Variants in MLLT6 observed in about 807,000 individuals in gnomAD.
MLLT6 encodes the protein MLLT6, PHD finger containing, also known as protein AF-17.
MLLT6 carries 22 observed loss-of-function variants against 103.0 expected under a neutral mutation model. That is an observed-to-expected ratio of 0.21 (90% CI 0.15 to 0.31). The LOEUF (loss-of-function observed/expected upper bound fraction) is 0.31. Among genes scored for constraint, MLLT6 ranks in the 10% least tolerant of loss-of-function variants. The pLI is 1.00. For missense variants in MLLT6, 1,199 were observed against 1,441.7 expected (o/e 0.83, Z 2.73); for synonymous variants, 606 against 623.5 (o/e 0.97, Z 0.42).
chr17:38,720,289 C>A (rs1234466377), intron 14 of MLLT6, 83 bp from the exon 15 acceptor site: 16 of 1,311,992 alleles, frequency 1.2e-5, no homozygotes, highest in Middle Eastern at 2.6e-4. Context: ...TGAGCACTGG[C>A]TCCCCTCCAG....
At chr17:38,723,742 C>CTT (rs575998138) in intron 18 of MLLT6, among the ~76,000 whole-genome samples, 9 of 137,598 alleles carry the variant, frequency 6.5e-5, no homozygotes, top group African/African-American at 8.0e-5. Context: ...GAATTGAAAA[C>CTT]TTTTTTTTTT....
chr17:38,724,711 C>T lies in MLLT6; in HGVS notation c.2975C>T (p.Pro992Leu). Residue 992 changes from proline to leucine, a missense_variant, in exon 19 of 20, where the codon CCC becomes CTC. Around this residue, in one of 7 missense-constraint regions of MLLT6, gnomAD observed 1,034 missense variants for 1,091.5 expected, o/e 0.95. Coordinates refer to ENST00000621332, the MANE Select transcript of MLLT6 (RefSeq NM_005937.4). The surrounding 1 kb of genome is among the most constrained non-coding windows in gnomAD (Gnocchi z 5.4). ...CAGATGGCTGGGGGCTCCCAGCTGC[C>T]CATGGCCAGCCTGCTGGCAGGAAGC... is the stretch of plus-strand genomic sequence containing the variant. ...RLQMAGGSQL[P>L]MASLLAGSST... is the part of the protein sequence containing the mutation. 1.2e-6 allele frequency: 2 copies of T among 1,612,946 alleles called. No individual in the cohort carries two copies. The highest frequency in any genetic ancestry group is 2.2e-5 in the East Asian group (1 of 44,866).
rs1904874743 is a variant in MLLT6 at position 38,705,668 on chromosome 17, G to C, written c.36G>C (p.Ser12=). 1 of 1,572,082 alleles carries C rather than the reference G, an allele frequency of 6.4e-7. No homozygotes were observed. The highest frequency in any genetic ancestry group is 8.6e-7 in the Non-Finnish European group (1 of 1,158,070). The change falls in exon 1 of 20, where the codon TCG becomes TCC. Residue 12 remains serine, a synonymous_variant. Coordinates refer to ENST00000621332, the MANE Select transcript of MLLT6 (RefSeq NM_005937.4). ...TGGTAGGAGGCTGCTGCGTATGTTC[G>C]GACGAGAGGGGCTGGGCCGAGAACC... is the stretch of plus-strand genomic sequence containing the variant. ...KEMVGGCCVC[S]DERGWAENPL...
In MLLT6 at chr17:38,713,206, A is replaced by T. The variant is rs1283520903; in HGVS notation, c.819+417A>T. The T allele has an allele frequency of 8.7e-6, 5 of 572,918 alleles. No individual in the cohort carries two copies. The East Asian group carries it at 1.4e-4, about 16-fold the overall frequency. 35.5% of individuals were successfully genotyped at this position (572,918 alleles called of 1,614,324 possible). A position where few individuals can be genotyped will look rare whatever the true frequency, so the allele number is the denominator to read the frequency against. On this transcript the variant is annotated intron_variant, in intron 8 of 19. Coordinates refer to ENST00000621332, the MANE Select transcript of MLLT6 (RefSeq NM_005937.4). ...ACCCAACCCAAATCCCACTCTGTGC[A>T]GGTTGGAGGGGCTGAAAGTTCTGAC... is the stretch of plus-strand genomic sequence containing the variant.
intron 2 of MLLT6, 71 bp from the exon 3 acceptor site, chr17:38,707,415 C>G: frequency 6.8e-7 from 1 of 1,462,588 alleles, no homozygotes; most frequent in Non-Finnish European, 9.5e-7. Flanking sequence ...CAGCCTGGGA[C>G]CCCTTGAACG....
rs975746702 is a variant in MLLT6, at chr17:38,720,151, C to T, written c.2156-221C>T. The T allele has an allele frequency of 7.2e-5, 50 of 692,330 alleles. 1 individual carries two copies. Among genetic ancestry groups the T allele is most frequent in the South Asian group, 3.7e-4 (19 of 52,046 alleles). The allele number at this position is 692,330 out of a possible 1,614,324, so 42.9% of individuals were successfully genotyped here. A position where few individuals can be genotyped will look rare whatever the true frequency, so the allele number is the denominator to read the frequency against. On this transcript the variant is annotated intron_variant, in intron 14 of 19. Transcript: ENST00000621332. The stretch of plus-strand genomic sequence containing the variant: ...CGCAACTTCCGCCCTTCTCTCCTGA[C>T]CCGTGTGGCCTCGACCCCAGCCTCA...
In MLLT6 at chr17:38,724,669, G is replaced by C. The variant is rs1405440183; in HGVS notation, c.2933G>C (p.Arg978Pro). Residue 978 changes from arginine to proline, a missense_variant, in exon 19 of 20, where the codon CGG (arginine) becomes CCG (proline). Physicochemically the swap from Arg to Pro is moderately radical, Grantham distance 103. This residue lies in a region of MLLT6 where 1,034 missense variants were observed against 1,091.5 expected (regional missense o/e 0.95). Transcript: ENST00000621332. The surrounding 1 kb of genome is among the most constrained non-coding windows in gnomAD (Gnocchi z 5.4). Reference sequence around the variant, plus strand: ...ATGATCCAGCAGATCCAGCAGAAACGGGAGCTGCAGCGCCTGCAGATGGCT... The same window carrying C: ...ATGATCCAGCAGATCCAGCAGAAACCGGAGCTGCAGCGCCTGCAGATGGCT... ...YQMIQQIQQK[R>P]ELQRLQMAGG... 1 of 1,611,334 alleles carries C rather than the reference G, an allele frequency of 6.2e-7. No homozygotes were observed. The highest frequency in any genetic ancestry group is 8.5e-7 in the Non-Finnish European group (1 of 1,178,680).
chr17:38,705,456 G>A lies in MLLT6; in HGVS notation c.-177G>A, dbSNP rs1904858727. 6.7e-6 allele frequency: 3 copies of A among 446,442 alleles called. No homozygotes were observed. The highest frequency in any genetic ancestry group is 1.2e-5 in the Non-Finnish European group (3 of 247,696). The allele number at this position is 446,442 out of a possible 1,614,324, so 27.7% of individuals were successfully genotyped here. ...GGCCAGACAGAGCGAGCGAGGAGGA[G>A]GAGGAGGAGGACGCGGAGGAGGAGG... On this transcript the variant is annotated 5_prime_UTR_variant, in exon 1 of 20. Transcript: ENST00000621332.
At chr17:38,708,668 G>A (rs1021711377) in intron 4 of MLLT6, among the ~76,000 whole-genome samples, 2 of 152,186 alleles carry the variant, frequency 1.3e-5, no homozygotes, top group Non-Finnish European at 2.9e-5. Flanking sequence ...GGCTGAGGGG[G>A]GTGGATCACC....
rs1906034369 is a variant in MLLT6 at position 38,726,395 on chromosome 17, G to GTGTGTGTC, written c.*801_*808dup. On this transcript the variant is annotated 3_prime_UTR_variant, in exon 20 of 20. Coordinates refer to ENST00000621332, the MANE Select transcript of MLLT6 (RefSeq NM_005937.4). ...CATGTGTGTGTGTGTGTGTGTGTGT[G>GTGTGTGTC]TGTGTGTCTGTCTGCCTGTCTCTCT... The GTGTGTGTC allele has an allele frequency of 4.3e-6, 1 of 234,878 alleles. No homozygotes were observed. The highest frequency in any genetic ancestry group is 8.4e-6 in the Non-Finnish European group (1 of 119,176). 14.5% of individuals were successfully genotyped at this position (234,878 alleles called of 1,614,324 possible).
chr17:38,716,813 G>C lies in MLLT6; in HGVS notation c.1483G>C (p.Ala495Pro). Residue 495 changes from alanine (A) to proline (P), a missense_variant, in exon 10 of 20, where the codon GCC becomes CCC. Ala to Pro is a conservative substitution (Grantham distance 27). Coordinates refer to ENST00000621332, the MANE Select transcript of MLLT6 (RefSeq NM_005937.4). The surrounding 1 kb of genome is among the most constrained non-coding windows in gnomAD (Gnocchi z 5.6). ...RNKEGTGGPA[A>P]PSLPSAQLAG... Reference sequence around the variant, plus strand: ...CAAGGAGGGCACTGGGGGCCCAGCTGCCCCATCCTTGCCCAGTGCCCAGCT... The same window carrying C: ...CAAGGAGGGCACTGGGGGCCCAGCTCCCCCATCCTTGCCCAGTGCCCAGCT... 1.2e-6 allele frequency: 2 copies of C among 1,612,076 alleles called. No individual in the cohort carries two copies. The highest frequency in any genetic ancestry group is 8.5e-7 in the Non-Finnish European group (1 of 1,179,058).
In MLLT6 at chr17:38,716,760, G is replaced by A. The variant is rs759053297; in HGVS notation, c.1430G>A (p.Gly477Glu). 2 of 1,609,278 alleles carry A rather than the reference G, an allele frequency of 1.2e-6. No homozygotes were observed. The highest frequency in any genetic ancestry group is 1.7e-4 in the Middle Eastern group (1 of 6,040). The change falls in exon 10 of 20, where the codon GGG (glycine) becomes GAG (glutamate). Residue 477 changes from glycine (G) to glutamate (E), a missense_variant. Physicochemically the swap from Gly to Glu is moderately conservative, Grantham distance 98. This residue lies in a region of MLLT6 where 1,034 missense variants were observed against 1,091.5 expected (regional missense o/e 0.95). Coordinates refer to ENST00000621332, the MANE Select transcript of MLLT6 (RefSeq NM_005937.4). The surrounding 1 kb of genome is among the most constrained non-coding windows in gnomAD (Gnocchi z 5.6). ...KHKASKRSRH[G>E]PGRPKGSRNK... ...AAAGCCAGCAAGAGGAGCCGCCATG[G>A]GCCAGGCCGTCCCAAGGGCAGCCGG...
In MLLT6 at chr17:38,727,053, T is replaced by G. The variant is rs1167690666; in HGVS notation, c.*1455T>G. ...GAGCCCAGGGTAGGGGTTTCCAGCTTCCCCAGGCTCCGGCCTTGTCAGTCT... is the reference window on the plus strand; with the variant it reads ...GAGCCCAGGGTAGGGGTTTCCAGCTGCCCCAGGCTCCGGCCTTGTCAGTCT... On this transcript the variant is annotated 3_prime_UTR_variant, in exon 20 of 20. Transcript: ENST00000621332. 5 of 233,480 alleles carry G rather than the reference T, an allele frequency of 2.1e-5. No homozygotes were observed. Among genetic ancestry groups the G allele is most frequent in the Non-Finnish European group, 4.2e-5 (5 of 118,038 alleles). 14.5% of individuals were successfully genotyped at this position (233,480 alleles called of 1,614,324 possible). A position where few individuals can be genotyped will look rare whatever the true frequency, so the allele number is the denominator to read the frequency against.
chr17:38,720,930 G>A, intron 16 of MLLT6, 183 bp downstream of exon 16: 3 of 628,476 alleles, frequency 4.8e-6, no homozygotes, highest in Non-Finnish European at 8.3e-6. Context: ...CCAGCCATTG[G>A]CTAAGCAATC....
Position 38,721,993 on chromosome 17 carries a change from G to A in MLLT6, c.2558G>A (p.Gly853Glu). Residue 853 changes from glycine (G) to glutamate (E), a missense_variant, in exon 17 of 20, where the codon GGG (glycine) becomes GAG (glutamate). Coordinates refer to ENST00000621332, the MANE Select transcript of MLLT6 (RefSeq NM_005937.4). ...SPATLPLALP[G>E]APAPLPPQPQ... ...GCCACTCTGCCCCTGGCCCTGCCTGGGGCCCCTGCCCCACTCCCGCCCCAG... is the reference window on the plus strand; with the variant it reads ...GCCACTCTGCCCCTGGCCCTGCCTGAGGCCCCTGCCCCACTCCCGCCCCAG... 6.7e-7 allele frequency: 1 copy of A among 1,496,232 alleles called. No individual in the cohort carries two copies. Among genetic ancestry groups the A allele is most frequent in the Non-Finnish European group, 8.9e-7 (1 of 1,125,084 alleles). The allele number at this position is 1,496,232 out of a possible 1,614,324, so 92.7% of individuals were successfully genotyped here.
intron 8 of MLLT6, chr17:38,715,332 C>T (rs143056608): frequency 8.5e-5 from 36 of 422,312 alleles, no homozygotes; most frequent in Middle Eastern, 5.9e-4. Context: ...CTGTTTTCAT[C>T]TCCCTCTTGG....
At position 38,724,605 on chromosome 17, in the gene MLLT6, C is replaced by T; in HGVS notation, c.2884-15C>T. 1 of 1,564,856 alleles carries T rather than the reference C, an allele frequency of 6.4e-7. No homozygotes were observed. The highest frequency in any genetic ancestry group is 1.4e-5 in the African/African-American group (1 of 73,996). On this transcript the variant is annotated splice_polypyrimidine_tract_variant and intron_variant, in intron 18 of 19. Coordinates refer to ENST00000621332, the MANE Select transcript of MLLT6 (RefSeq NM_005937.4). The surrounding 1 kb of genome is among the most constrained non-coding windows in gnomAD (Gnocchi z 5.4). Reference sequence around the variant, plus strand: ...CCGGGACTGTTGGCCAACAAGCGGTCTGGCCCCCTTGCAGGAACACCAGAC... The same window carrying T: ...CCGGGACTGTTGGCCAACAAGCGGTTTGGCCCCCTTGCAGGAACACCAGAC...
rs374124881 is a variant in MLLT6, at chr17:38,707,884, C to T, written c.354+12C>T. 2.0e-6 allele frequency: 3 copies of T among 1,522,802 alleles called. No individual in the cohort carries two copies. Among genetic ancestry groups the T allele is most frequent in the South Asian group, 1.1e-5 (1 of 87,686 alleles). The allele number at this position is 1,522,802 out of a possible 1,614,324, so 94.3% of individuals were successfully genotyped here. Reference sequence around the variant, plus strand: ...ATCGCTTCAACAAGGTCAGCGGCCCCCCGCCGTGTCCCCTACCAGTTCCCT... The same window carrying T: ...ATCGCTTCAACAAGGTCAGCGGCCCTCCGCCGTGTCCCCTACCAGTTCCCT... On this transcript the variant is annotated intron_variant, in intron 4 of 19. Coordinates refer to ENST00000621332, the MANE Select transcript of MLLT6 (RefSeq NM_005937.4).
intron 9 of MLLT6, 153 bp downstream of exon 9, chr17:38,715,981 C>A: frequency 1.4e-6 from 1 of 714,852 alleles, no homozygotes; most frequent in Non-Finnish European, 2.3e-6. Context: ...TCCAAACCTG[C>A]CCCCAAACCC....
Sources: gnomAD v4.1 joint callset for allele counts (sites outside exome capture counted in the v4.1 genomes callset) on GRCh38, gnomAD v4.1.1 for gene constraint, gnomAD v4.1.1 regional missense constraint, Gnocchi (gnomAD v3.1) non-coding constraint, MANE v1.5 for transcripts, NCBI Gene and HGNC (gene_info 2026-07-23, HGNC 2026-07-21) for gene names.